Variants in CSMD1 observed in about 807,000 individuals in gnomAD.
CSMD1 encodes the protein CUB and sushi domain-containing protein 1.
In CSMD1, 213 loss-of-function variants were observed where a neutral mutation model predicts 417.5. That is an observed-to-expected ratio of 0.51 (90% CI 0.46 to 0.57). The LOEUF is 0.57. Ranked by LOEUF, CSMD1 falls within the 20% of genes least tolerant of loss-of-function variation. CSMD1 has a pLI of 0.00. For synonymous variants in CSMD1, 2,862 were observed against 1,736.8 expected, an observed-to-expected ratio of 1.65 and a Z score of -16.11; for missense variants, 6,923 against 4,529.7, an observed-to-expected ratio of 1.53 and a Z score of -15.17.
intron 3 of CSMD1, among the ~76,000 whole-genome samples, chr8:4,307,695 G>C (rs548756384): frequency 3.3e-5 from 5 of 152,080 alleles, no homozygotes; most frequent in African/African-American, 1.2e-4. Context: ...CTTTGCAAAC[G>C]AACAGCACGA....
chr8:3,326,926 C>T (rs1249167366), intron 23 of CSMD1, among the ~76,000 whole-genome samples: 3 of 151,982 alleles, frequency 2.0e-5, no homozygotes, highest in African/African-American at 4.8e-5. Flanking sequence ...CCTGTAATCT[C>T]GGCTCTTAGG....
At chr8:3,702,672 A>G (rs1053043010) in intron 7 of CSMD1, among the ~76,000 whole-genome samples, 1 of 152,174 alleles carries the variant, frequency 6.6e-6, no homozygotes, top group African/African-American at 2.4e-5. Context: ...ATCTACTAAA[A>G]AATAGAAAAA....
At chr8:3,143,148 GT>G (rs950140005) in intron 40 of CSMD1, among the ~76,000 whole-genome samples, 1 of 151,952 alleles carries the variant, frequency 6.6e-6, no homozygotes, top group Admixed American at 6.6e-5. Context: ...ATGCCACAGA[GT>G]TTTTTTTGTT....
chr8:3,542,428 G>C (rs1798479551), intron 10 of CSMD1, among the ~76,000 whole-genome samples: 1 of 152,166 alleles, frequency 6.6e-6, no homozygotes, highest in African/African-American at 2.4e-5. Flanking sequence ...TTCTACGATT[G>C]GATGTGCGTT....
chr8:4,130,559 A>C (rs1344989980), intron 3 of CSMD1, among the ~76,000 whole-genome samples: 1 of 152,136 alleles, frequency 6.6e-6, no homozygotes, highest in East Asian at 1.9e-4. Context: ...CTTTTAAATC[A>C]ATTACCACTG....
At chr8:3,647,286 C>T (rs1335614959) in intron 7 of CSMD1, among the ~76,000 whole-genome samples, 1 of 152,168 alleles carries the variant, frequency 6.6e-6, no homozygotes, top group East Asian at 1.9e-4. Flanking sequence ...GGCAGAACCA[C>T]CCAATGTCAT....
At chr8:4,873,730 G>T (rs1478850076) in intron 1 of CSMD1, among the ~76,000 whole-genome samples, 1 of 152,098 alleles carries the variant, frequency 6.6e-6, no homozygotes, top group Non-Finnish European at 1.5e-5. Flanking sequence ...GCTTCAAGGA[G>T]CTCAAAGCCT....
intron 1 of CSMD1, among the ~76,000 whole-genome samples, chr8:4,736,386 A>G (rs1170337712): frequency 6.6e-6 from 1 of 151,884 alleles, no homozygotes; most frequent in Non-Finnish European, 1.5e-5. Context: ...AGATTCCAGG[A>G]GAGAGAGAGA....
At chr8:4,434,567 G>C (rs910870816) in intron 2 of CSMD1, among the ~76,000 whole-genome samples, 1 of 152,122 alleles carries the variant, frequency 6.6e-6, no homozygotes, top group Non-Finnish European at 1.5e-5. Context: ...ACACAATAGA[G>C]GAGGAGGAAG....
chr8:3,874,098 G>A (rs1035653074), intron 5 of CSMD1, among the ~76,000 whole-genome samples: 4 of 152,122 alleles, frequency 2.6e-5, no homozygotes, highest in African/African-American at 7.2e-5. Flanking sequence ...CTCAGGCTGG[G>A]TTCTTTCACT....
intron 69 of CSMD1, among the ~76,000 whole-genome samples, chr8:2,940,396 G>A (rs1386078016): frequency 6.6e-6 from 1 of 152,120 alleles, no homozygotes; most frequent in East Asian, 1.9e-4. Flanking sequence ...CAACATGCAG[G>A]GCAGCCTCTT....
chr8:4,765,754 T>A (rs534438899), intron 1 of CSMD1, among the ~76,000 whole-genome samples: 1 of 152,320 alleles, frequency 6.6e-6, no homozygotes, highest in Admixed American at 6.5e-5. Context: ...GGGGTTTAAA[T>A]TATTGGGATA....
At chr8:4,832,595 A>C (rs977345632) in intron 1 of CSMD1, among the ~76,000 whole-genome samples, 5 of 152,194 alleles carry the variant, frequency 3.3e-5, no homozygotes, top group African/African-American at 1.2e-4. Flanking sequence ...TAAAATTATT[A>C]CTAGCTGACA....
intron 5 of CSMD1, among the ~76,000 whole-genome samples, chr8:3,956,134 C>T (rs748943785): frequency 6.6e-6 from 1 of 152,128 alleles, no homozygotes; most frequent in African/African-American, 2.4e-5. Context: ...TGACCAGATC[C>T]TGGACCAAAA....
chr8:3,549,091 C>T (rs1057247962), intron 10 of CSMD1, among the ~76,000 whole-genome samples: 3 of 152,236 alleles, frequency 2.0e-5, no homozygotes, highest in African/African-American at 7.2e-5. Context: ...GCCTCCATCT[C>T]AGAGCCACAC....
At chr8:3,362,537 A>G (rs896989128) in intron 20 of CSMD1, among the ~76,000 whole-genome samples, 7 of 152,174 alleles carry the variant, frequency 4.6e-5, no homozygotes, top group African/African-American at 1.7e-4. Context: ...CTGATTCGGA[A>G]CTTCTGCTGC....
intron 1 of CSMD1, among the ~76,000 whole-genome samples, chr8:4,647,462 T>C: frequency 6.6e-6 from 1 of 152,084 alleles, no homozygotes; most frequent in Admixed American, 6.5e-5. Context: ...CACGGCGGCC[T>C]GCTACGTAGG....
chr8:4,265,079 G>C (rs1403288219), intron 3 of CSMD1, among the ~76,000 whole-genome samples: 3 of 152,082 alleles, frequency 2.0e-5, no homozygotes, highest in Non-Finnish European at 4.4e-5. Context: ...TCCTTATATA[G>C]AATCATCATA....
At chr8:3,624,871 C>A (rs10503211) in intron 7 of CSMD1, among the ~76,000 whole-genome samples, 1 of 152,202 alleles carries the variant, frequency 6.6e-6, no homozygotes, top group South Asian at 2.1e-4. Flanking sequence ...TAAATTTCTC[C>A]TCTTTGATTT....
Sources: gnomAD v4.1 joint callset for allele counts (sites outside exome capture counted in the v4.1 genomes callset) on GRCh38, gnomAD v4.1.1 for gene constraint, MANE v1.5 for transcripts, NCBI Gene and HGNC (gene_info 2026-07-23, HGNC 2026-07-21) for gene names.